RAPGEF5: variants seen among roughly 807,000 people sequenced by gnomAD.
RAPGEF5 encodes Rap guanine nucleotide exchange factor 5, also known as M-Ras-regulated GEF.
RAPGEF5 carries 65 observed loss-of-function variants against 125.2 expected under a neutral mutation model. The observed-to-expected ratio is 0.52, with a 90% CI of 0.43 to 0.64. RAPGEF5 has a LOEUF of 0.64. Ranked by LOEUF, RAPGEF5 falls within the 30% of genes least tolerant of loss-of-function variation. The pLI is 0.00. For missense variants in RAPGEF5, 958 were observed against 1,048.1 expected (o/e 0.91, Z 1.19); for synonymous variants, 391 against 385.9 (o/e 1.01, Z -0.16).
chr7:22,209,611 C>A (rs1433337658), intron 9 of RAPGEF5, among the ~76,000 whole-genome samples: 1 of 152,162 alleles, frequency 6.6e-6, no homozygotes, highest in East Asian at 1.9e-4. Flanking sequence ...ATGAGAAGAA[C>A]TGAATGATCC....
At chr7:22,135,363 T>C (rs573362298) in intron 23 of RAPGEF5, among the ~76,000 whole-genome samples, 84 of 152,354 alleles carry the variant, frequency 5.5e-4, no homozygotes, top group African/African-American at 2.0e-3. Flanking sequence ...GTCAGCGGTA[T>C]ACACCAGATT....
intron 11 of RAPGEF5, among the ~76,000 whole-genome samples, chr7:22,180,004 T>C (rs1784625402): frequency 6.6e-6 from 1 of 152,222 alleles, no homozygotes; most frequent in South Asian, 2.1e-4. Flanking sequence ...TCTACTTCTC[T>C]AACAAAGTTG....
At chr7:22,182,582 C>T (rs957442192) in intron 11 of RAPGEF5, among the ~76,000 whole-genome samples, 5 of 152,108 alleles carry the variant, frequency 3.3e-5, no homozygotes, top group African/African-American at 1.2e-4. Context: ...CCAATAGACA[C>T]GAAACTTCCT....
intron 18 of RAPGEF5, among the ~76,000 whole-genome samples, chr7:22,147,803 G>T (rs1393948869): frequency 3.3e-5 from 5 of 152,154 alleles, no homozygotes; most frequent in African/African-American, 1.2e-4. Context: ...TGAAGCGTTA[G>T]ATTTGAATAA....
At chr7:22,144,528 G>A (rs1469001237) in intron 20 of RAPGEF5, among the ~76,000 whole-genome samples, 1 of 152,202 alleles carries the variant, frequency 6.6e-6, no homozygotes, top group African/African-American at 2.4e-5. Flanking sequence ...GTGCTCATGG[G>A]AGGGACAGAC....
chr7:22,138,006 T>TACACACACAC lies in RAPGEF5; in HGVS notation c.2278-1033_2278-1024dup, dbSNP rs57116603. ...CAGGTAGTTTAATCTGTTTGGAAACTACACACACACACACACACACACACA... is the reference window on the plus strand; with the variant it reads ...CAGGTAGTTTAATCTGTTTGGAAACTACACACACACACACACACACACACACACACACACA... On this transcript the variant is annotated intron_variant, in intron 21 of 25. Transcript: ENST00000665637. 4.2e-3 allele frequency among the ~76,000 whole-genome samples: 624 copies of TACACACACAC among 148,540 alleles called. 6 individuals carry two copies. The highest frequency in any genetic ancestry group is 0.015 in the African/African-American group (600 of 40,118).
chr7:22,244,457 C>A (rs995759162), intron 7 of RAPGEF5, among the ~76,000 whole-genome samples: 2 of 151,952 alleles, frequency 1.3e-5, no homozygotes, highest in Admixed American at 1.3e-4. Context: ...CTCACAGAAG[C>A]GTGAACCCTA....
intron 3 of RAPGEF5, among the ~76,000 whole-genome samples, chr7:22,313,511 G>T (rs540860790): frequency 8.5e-5 from 13 of 152,262 alleles, no homozygotes; most frequent in South Asian, 2.1e-4. Flanking sequence ...AAGAATGGTG[G>T]TCCTGGCCAG....
At chr7:22,205,802 G>A (rs563100278) in intron 9 of RAPGEF5, among the ~76,000 whole-genome samples, 1 of 152,268 alleles carries the variant, frequency 6.6e-6, no homozygotes, top group Non-Finnish European at 1.5e-5. Context: ...AATATTTAAT[G>A]ACTTGACTTG....
intron 6 of RAPGEF5, among the ~76,000 whole-genome samples, chr7:22,274,297 T>C (rs760139286): frequency 1.3e-5 from 2 of 152,150 alleles, no homozygotes; most frequent in African/African-American, 2.4e-5. Context: ...AAGTCCCACT[T>C]AGTGGCTCAA....
chr7:22,348,001 C>T (rs1372631662), intron 1 of RAPGEF5, among the ~76,000 whole-genome samples: 1 of 152,068 alleles, frequency 6.6e-6, no homozygotes, highest in Non-Finnish European at 1.5e-5. Context: ...TGAATGAGTA[C>T]TTATATCAAG....
chr7:22,312,895 A>G (rs1017590756), intron 3 of RAPGEF5, among the ~76,000 whole-genome samples: 1 of 152,216 alleles, frequency 6.6e-6, no homozygotes, highest in African/African-American at 2.4e-5. Flanking sequence ...TGTCTGCTAC[A>G]ATATGGTTAA....
At chr7:22,160,046 T>G (rs1272792177) in intron 14 of RAPGEF5, among the ~76,000 whole-genome samples, 1 of 151,980 alleles carries the variant, frequency 6.6e-6, no homozygotes, top group African/African-American at 2.4e-5. Context: ...GAGGTGGAGG[T>G]TGCAGTGAGC....
At chr7:22,229,769 A>C (rs960806672) in intron 8 of RAPGEF5, among the ~76,000 whole-genome samples, 1 of 152,192 alleles carries the variant, frequency 6.6e-6, no homozygotes, top group African/African-American at 2.4e-5. Flanking sequence ...AGGAGGTGAC[A>C]ACTGCCTTCC....
intron 3 of RAPGEF5, among the ~76,000 whole-genome samples, chr7:22,314,110 T>C (rs1280939539): frequency 1.3e-5 from 2 of 152,228 alleles, no homozygotes; most frequent in Non-Finnish European, 2.9e-5. Context: ...TAAATGTGCT[T>C]AATTAAAGTG....
chr7:22,198,860 G>A (rs1785210868), intron 9 of RAPGEF5, among the ~76,000 whole-genome samples: 1 of 152,210 alleles, frequency 6.6e-6, no homozygotes, highest in Non-Finnish European at 1.5e-5. Flanking sequence ...GGAGCCCAGA[G>A]ATTAAATAAG....
At chr7:22,128,181 AG>A (rs983939881) in intron 24 of RAPGEF5, among the ~76,000 whole-genome samples, 4 of 152,036 alleles carry the variant, frequency 2.6e-5, no homozygotes, top group African/African-American at 9.7e-5. Flanking sequence ...CTAAAGGGGG[AG>A]GGGGTAGACA....
intron 3 of RAPGEF5, among the ~76,000 whole-genome samples, chr7:22,311,752 A>G (rs1783476169): frequency 6.6e-6 from 1 of 152,252 alleles, no homozygotes; most frequent in Non-Finnish European, 1.5e-5. Context: ...ACAGATGGCA[A>G]TAAAACAGGC....
chr7:22,237,400 CTGGTCTTAAAGCTTGAGACTTAT>C (rs1194047455), intron 7 of RAPGEF5, among the ~76,000 whole-genome samples: 7 of 143,276 alleles, frequency 4.9e-5, no homozygotes, highest in Admixed American at 1.4e-4. Context: ...ATTGACCCTT[CTGGTCTTAAAGCTTGAGACTTAT>C]ATTTGTTTTA....
Sources: allele counts gnomAD v4.1 joint callset (sites outside exome capture counted in the v4.1 genomes callset), GRCh38; gene constraint gnomAD v4.1.1; transcripts MANE v1.5; gene names NCBI Gene and HGNC (gene_info 2026-07-23, HGNC 2026-07-21).